MLLT3: variants seen among roughly 807,000 people sequenced by gnomAD.
The protein encoded by MLLT3 is MLLT3 super elongation complex subunit.
MLLT3 carries 4 observed loss-of-function variants against 53.2 expected under a neutral mutation model. That is an observed-to-expected ratio of 0.08 (90% CI 0.04 to 0.17). The LOEUF (loss-of-function observed/expected upper bound fraction) is 0.17. MLLT3 is among the 10% of genes least tolerant of loss of function. The pLI, the probability that MLLT3 is intolerant of heterozygous loss-of-function variation, is 1.00. For synonymous variants in MLLT3, 283 were observed against 230.6 expected, an observed-to-expected ratio of 1.23 and a Z score of -2.06; for missense variants, 569 against 684.0, an observed-to-expected ratio of 0.83 and a Z score of 1.87.
chr9:20,542,199 G>GCT (rs955261295), intron 2 of MLLT3, among the ~76,000 whole-genome samples: 3 of 151,088 alleles, frequency 2.0e-5, no homozygotes, highest in Non-Finnish European at 4.4e-5. Flanking sequence ...TCCCATCACA[G>GCT]CTCTTCTGTA....
At chr9:20,388,321 G>A (rs1586911251) in intron 5 of MLLT3, among the ~76,000 whole-genome samples, 1 of 152,176 alleles carries the variant, frequency 6.6e-6, no homozygotes, top group East Asian at 1.9e-4. Context: ...GGGTGCGGTG[G>A]CTCAGGCCTG....
At chr9:20,565,936 A>ATATT (rs1189561007) in intron 2 of MLLT3, among the ~76,000 whole-genome samples, 9 of 13,028 alleles carry the variant, frequency 6.9e-4, no homozygotes, top group African/African-American at 2.0e-3. Flanking sequence ...ATATATATAT[A>ATATT]TTTATATATA....
chr9:20,451,688 A>G (rs565886057), intron 3 of MLLT3, among the ~76,000 whole-genome samples: 3 of 152,326 alleles, frequency 2.0e-5, no homozygotes, highest in Admixed American at 1.3e-4. Flanking sequence ...TGCTCTCTAT[A>G]TATAAATAAT....
At chr9:20,610,203 T>C (rs991452329) in intron 2 of MLLT3, among the ~76,000 whole-genome samples, 1 of 152,178 alleles carries the variant, frequency 6.6e-6, no homozygotes, top group Non-Finnish European at 1.5e-5. Context: ...TAGACTCTTA[T>C]TTTTAAAGCT....
At chr9:20,415,359 A>G in intron 4 of MLLT3, 1 of 515,616 alleles carries the variant, frequency 1.9e-6, no homozygotes, top group South Asian at 8.4e-5. Flanking sequence ...CAATTTTTCC[A>G]CTCATATAAA....
intron 2 of MLLT3, among the ~76,000 whole-genome samples, chr9:20,525,582 C>G (rs1382530050): frequency 2.6e-5 from 4 of 152,154 alleles, no homozygotes; most frequent in Non-Finnish European, 4.4e-5. Context: ...TTCATTCCTC[C>G]TATCAAATGT....
At chr9:20,451,025 A>G (rs549127656) in intron 3 of MLLT3, among the ~76,000 whole-genome samples, 42 of 152,326 alleles carry the variant, frequency 2.8e-4, no homozygotes, top group Admixed American at 6.5e-4. Context: ...ATACTATTAA[A>G]TGTTCATGGT....
intron 2 of MLLT3, among the ~76,000 whole-genome samples, chr9:20,458,070 C>T (rs1824016795): frequency 1.3e-5 from 2 of 152,216 alleles, no homozygotes; most frequent in African/African-American, 4.8e-5. Flanking sequence ...GCCTGGTCCT[C>T]CTTCTATCCC....
rs1421153867 is a variant in MLLT3 at position 20,346,352 on chromosome 9, T to C, written c.*91A>G. The stretch of plus-strand genomic sequence containing the variant: ...TTGCATCATTTTGAGTGTTTTCATA[T>C]AAACAACAAGAACAAAAAATCACAA... On this transcript the variant is annotated 3_prime_UTR_variant, in exon 11 of 11. Coordinates refer to ENST00000380338, the MANE Select transcript of MLLT3 (RefSeq NM_004529.4). 33 of 1,214,890 alleles carry C rather than the reference T, an allele frequency of 2.7e-5. No homozygotes were observed. Among genetic ancestry groups the C allele is most frequent in the Non-Finnish European group, 3.0e-5 (28 of 934,204 alleles). The allele number at this position is 1,214,890 out of a possible 1,614,324, so 75.3% of individuals were successfully genotyped here.
chr9:20,546,210 G>A (rs796065829), intron 2 of MLLT3, among the ~76,000 whole-genome samples: 6 of 152,246 alleles, frequency 3.9e-5, no homozygotes, highest in African/African-American at 1.4e-4. Flanking sequence ...ATTGTAAAAA[G>A]AGAGAATACA....
intron 2 of MLLT3, among the ~76,000 whole-genome samples, chr9:20,549,547 G>A (rs1339047688): frequency 6.6e-6 from 1 of 152,162 alleles, no homozygotes; most frequent in African/African-American, 2.4e-5. Flanking sequence ...GGTACTTTAT[G>A]CGACCCATTC....
At chr9:20,445,258 C>T (rs969706012) in intron 4 of MLLT3, among the ~76,000 whole-genome samples, 2 of 152,002 alleles carry the variant, frequency 1.3e-5, no homozygotes, top group Non-Finnish European at 2.9e-5. Context: ...CTAAATGTGC[C>T]CTGCCCACAA....
At chr9:20,468,755 C>T (rs1047239711) in intron 2 of MLLT3, among the ~76,000 whole-genome samples, 26 of 152,154 alleles carry the variant, frequency 1.7e-4, no homozygotes, top group Non-Finnish European at 3.8e-4. Context: ...AAAATCCTAA[C>T]ATTCAAAGGA....
At chr9:20,402,419 T>A (rs528067195) in intron 5 of MLLT3, among the ~76,000 whole-genome samples, 152 of 152,294 alleles carry the variant, frequency 1.0e-3, no homozygotes, top group African/African-American at 3.6e-3. Context: ...GAAGGATGAC[T>A]CATTATATTT....
chr9:20,565,037 G>A (rs1478255256), intron 2 of MLLT3, among the ~76,000 whole-genome samples: 2 of 151,858 alleles, frequency 1.3e-5, no homozygotes, highest in Non-Finnish European at 2.9e-5. Flanking sequence ...TTTCAAATAT[G>A]ATATCACTAT....
chr9:20,374,114 G>A (rs926667507), intron 5 of MLLT3, among the ~76,000 whole-genome samples: 12 of 152,140 alleles, frequency 7.9e-5, no homozygotes, highest in African/African-American at 2.4e-4. Context: ...TAGGTGCAGC[G>A]GCACATGCCT....
intron 5 of MLLT3, among the ~76,000 whole-genome samples, chr9:20,397,511 T>C (rs1013393602): frequency 6.6e-6 from 1 of 152,112 alleles, no homozygotes; most frequent in Non-Finnish European, 1.5e-5. Flanking sequence ...GCGGAACATG[T>C]AGGGCCCTAT....
At chr9:20,473,274 T>C (rs1383999559) in intron 2 of MLLT3, among the ~76,000 whole-genome samples, 3 of 152,158 alleles carry the variant, frequency 2.0e-5, no homozygotes, top group Non-Finnish European at 4.4e-5. Flanking sequence ...ACTTCTCTCA[T>C]CTGAATAATT....
At chr9:20,463,927 T>C (rs1375299791) in intron 2 of MLLT3, among the ~76,000 whole-genome samples, 1 of 152,032 alleles carries the variant, frequency 6.6e-6, no homozygotes, top group Non-Finnish European at 1.5e-5. Context: ...GGTGGGAACA[T>C]TTTCATTTCA....
Sources: allele counts gnomAD v4.1 joint callset (sites outside exome capture counted in the v4.1 genomes callset), GRCh38; gene constraint gnomAD v4.1.1; transcripts MANE v1.5; gene names NCBI Gene and HGNC (gene_info 2026-07-23, HGNC 2026-07-21).